The following RBFOX1 variants were observed in gnomAD, a reference collection of about 807,000 sequenced individuals.
RBFOX1 encodes the protein RNA binding fox-1 homolog 1.
RBFOX1 carries 8 observed loss-of-function variants against 57.7 expected under a neutral mutation model. The ratio of observed to expected loss-of-function variants is 0.14; its 90% CI spans 0.08 to 0.25. The LOEUF (loss-of-function observed/expected upper bound fraction) is 0.25, where lower values mean the gene tolerates loss of function less well. RBFOX1 is among the 10% of genes least tolerant of loss of function. RBFOX1 has a pLI of 1.00. For synonymous variants in RBFOX1, 326 were observed against 222.4 expected (o/e 1.47, Z -4.15); for missense variants, 611 against 548.5 (o/e 1.11, Z -1.14).
intron 1 of RBFOX1, among the ~76,000 whole-genome samples, chr16:6,103,716 G>A (rs937971595): frequency 6.6e-6 from 1 of 152,124 alleles, no homozygotes; most frequent in Non-Finnish European, 1.5e-5. Flanking sequence ...CAAGTCTGGA[G>A]TGGACATTCC....
chr16:6,585,741 G>C (rs921630510), intron 2 of RBFOX1, among the ~76,000 whole-genome samples: 1 of 151,972 alleles, frequency 6.6e-6, no homozygotes, highest in Non-Finnish European at 1.5e-5. Context: ...GCAAAAACAG[G>C]TGTACCTTTG....
intron 4 of RBFOX1, among the ~76,000 whole-genome samples, chr16:7,220,212 A>G (rs2092617319): frequency 6.6e-6 from 1 of 152,222 alleles, no homozygotes; most frequent in Non-Finnish European, 1.5e-5. Context: ...AGCAGACAGC[A>G]TGCTCTGAAG....
intron 3 of RBFOX1, among the ~76,000 whole-genome samples, chr16:6,730,640 A>G (rs1311326922): frequency 2.0e-5 from 3 of 152,248 alleles, no homozygotes; most frequent in African/African-American, 7.2e-5. Flanking sequence ...AAGACTGGTC[A>G]TTTTGTGGAA....
chr16:6,730,998 A>C (rs191237676), intron 3 of RBFOX1, among the ~76,000 whole-genome samples: 1 of 152,174 alleles, frequency 6.6e-6, no homozygotes, highest in Non-Finnish European at 1.5e-5. Flanking sequence ...AGTATCATTG[A>C]TGTCAGAGAT....
At chr16:5,971,628 G>C (rs796993256) in intron 4 of RBFOX1, among the ~76,000 whole-genome samples, 3 of 152,308 alleles carry the variant, frequency 2.0e-5, no homozygotes, top group African/African-American at 7.2e-5. Flanking sequence ...TTAAGCCAGA[G>C]TTCCCTTAGC....
intron 2 of RBFOX1, among the ~76,000 whole-genome samples, chr16:6,556,664 A>C (rs941580343): frequency 1.3e-5 from 2 of 152,172 alleles, no homozygotes; most frequent in Non-Finnish European, 2.9e-5. Context: ...GCCATGGCCA[A>C]ATTGTTTTGT....
chr16:5,760,287 C>A (rs921481606), intron 3 of RBFOX1, among the ~76,000 whole-genome samples: 2 of 151,888 alleles, frequency 1.3e-5, no homozygotes, highest in African/African-American at 4.8e-5. Flanking sequence ...AATTGGTAAA[C>A]AAGACAAAAT....
chr16:5,555,130 C>T (rs926131376), intron 2 of RBFOX1, among the ~76,000 whole-genome samples: 2 of 152,114 alleles, frequency 1.3e-5, no homozygotes, highest in African/African-American at 2.4e-5. Flanking sequence ...AGGGCAAGAG[C>T]CCCCCTTGCC....
intron 3 of RBFOX1, among the ~76,000 whole-genome samples, chr16:6,910,201 A>G (rs917988364): frequency 3.9e-5 from 6 of 152,052 alleles, no homozygotes; most frequent in African/African-American, 1.4e-4. Context: ...AAATGGGAAA[A>G]GAGAAATCCT....
chr16:7,498,723 A>G (rs560471879), intron 4 of RBFOX1, among the ~76,000 whole-genome samples: 2 of 152,268 alleles, frequency 1.3e-5, no homozygotes, highest in African/African-American at 4.8e-5. Flanking sequence ...TCAACACCCA[A>G]TGACCACACA....
At chr16:7,362,364 C>G (rs988693742) in intron 4 of RBFOX1, among the ~76,000 whole-genome samples, 2 of 148,106 alleles carry the variant, frequency 1.4e-5, no homozygotes, top group Non-Finnish European at 3.0e-5. Flanking sequence ...TGTGTGTATG[C>G]TAGTGTGTGT....
At chr16:5,936,187 G>C (rs537988763) in intron 4 of RBFOX1, among the ~76,000 whole-genome samples, 2 of 152,288 alleles carry the variant, frequency 1.3e-5, no homozygotes, top group South Asian at 4.1e-4. Flanking sequence ...GCCGTGGCGT[G>C]ATCTTGGCTC....
intron 1 of RBFOX1, among the ~76,000 whole-genome samples, chr16:5,305,136 C>T (rs931073309): frequency 1.3e-5 from 2 of 152,038 alleles, no homozygotes; most frequent in Non-Finnish European, 2.9e-5. Flanking sequence ...GAACGGGTAG[C>T]CTTACAGAAT....
intron 4 of RBFOX1, among the ~76,000 whole-genome samples, chr16:7,164,421 A>G (rs974388048): frequency 6.6e-6 from 1 of 152,214 alleles, no homozygotes; most frequent in African/African-American, 2.4e-5. Context: ...TGCTGCTATA[A>G]ACATACGTCT....
intron 4 of RBFOX1, among the ~76,000 whole-genome samples, chr16:7,202,245 C>G (rs72636224): frequency 0.19 from 27,086 of 143,214 alleles, 2,642 homozygotes; most frequent in East Asian, 0.39. Context: ...AGAGAAAAGA[C>G]AAATAAAAAT....
At chr16:6,909,290 C>T (rs912595761) in intron 3 of RBFOX1, among the ~76,000 whole-genome samples, 2 of 152,168 alleles carry the variant, frequency 1.3e-5, no homozygotes, top group Admixed American at 6.5e-5. Context: ...AGACTCCAGC[C>T]CTGGCTTCCA....
chr16:7,083,903 C>G (rs969993364), intron 4 of RBFOX1, among the ~76,000 whole-genome samples: 5 of 152,088 alleles, frequency 3.3e-5, no homozygotes, highest in Non-Finnish European at 5.9e-5. Flanking sequence ...GCTAGGAACC[C>G]TATCACTTAG....
intron 4 of RBFOX1, among the ~76,000 whole-genome samples, chr16:7,078,173 G>C (rs1047929044): frequency 1.3e-5 from 2 of 152,070 alleles, no homozygotes; most frequent in Admixed American, 6.6e-5. Flanking sequence ...AAAAGTCATC[G>C]TTTTCCTGCA....
chr16:7,590,614 C>G (rs1180636809), intron 7 of RBFOX1, among the ~76,000 whole-genome samples: 2 of 151,976 alleles, frequency 1.3e-5, no homozygotes, highest in East Asian at 3.9e-4. Context: ...AATCCCAGCA[C>G]TTTGGGAGGC....
Sources: gnomAD v4.1 joint callset for allele counts (sites outside exome capture counted in the v4.1 genomes callset) on GRCh38, gnomAD v4.1.1 for gene constraint, MANE v1.5 for transcripts, NCBI Gene and HGNC (gene_info 2026-07-23, HGNC 2026-07-21) for gene names.